Variants in EGFLAM observed in about 807,000 individuals in gnomAD.
EGFLAM encodes the protein EGF like, fibronectin type III and laminin G domains.
Under a neutral mutation model 113.1 loss-of-function variants are expected in EGFLAM, and 79 were observed. The ratio of observed to expected loss-of-function variants is 0.70; its 90% CI spans 0.58 to 0.84. EGFLAM has a LOEUF of 0.84. Ranked by LOEUF, EGFLAM falls within the 40% of genes least tolerant of loss-of-function variation. The pLI is 0.00. For missense variants in EGFLAM, 1,265 were observed against 1,291.6 expected (o/e 0.98, Z 0.32); for synonymous variants, 504 against 487.6 (o/e 1.03, Z -0.44).
intron 1 of EGFLAM, among the ~76,000 whole-genome samples, chr5:38,277,214 C>T (rs983429968): frequency 3.3e-5 from 5 of 152,032 alleles, no homozygotes; most frequent in Non-Finnish European, 4.4e-5. Context: ...AATCATTCAC[C>T]GTGATCATGT....
At chr5:38,449,645 AGTGTGTGTGTAT>A (rs967817246) in intron 18 of EGFLAM, among the ~76,000 whole-genome samples, 3 of 151,584 alleles carry the variant, frequency 2.0e-5, no homozygotes, top group Admixed American at 2.0e-4. Context: ...CAAGGGCCAT[AGTGTGTGTGTAT>A]GTGTGTGTGC....
At chr5:38,336,692 C>T (rs1739195880) in intron 1 of EGFLAM, among the ~76,000 whole-genome samples, 2 of 151,822 alleles carry the variant, frequency 1.3e-5, no homozygotes, top group Admixed American at 6.6e-5. Context: ...ACCAATATGA[C>T]GCTCAAGGGA....
intron 1 of EGFLAM, among the ~76,000 whole-genome samples, chr5:38,311,536 A>T (rs941936996): frequency 3.9e-5 from 6 of 152,176 alleles, no homozygotes; most frequent in African/African-American, 1.4e-4. Flanking sequence ...TTCTTTTTTA[A>T]AAGGCTAAAT....
intron 1 of EGFLAM, among the ~76,000 whole-genome samples, chr5:38,301,893 T>C (rs116022403): frequency 0.014 from 2,157 of 152,148 alleles, 43 homozygotes; most frequent in African/African-American, 0.048. Flanking sequence ...TGGCATCAAT[T>C]TCCAATATCT....
At chr5:38,298,653 A>T (rs1466797714) in intron 1 of EGFLAM, among the ~76,000 whole-genome samples, 1 of 152,140 alleles carries the variant, frequency 6.6e-6, no homozygotes, top group Non-Finnish European at 1.5e-5. Flanking sequence ...ATTAGCTAAG[A>T]TTGTGGAATG....
chr5:38,418,356 C>G, intron 12 of EGFLAM, 101 bp downstream of exon 12: 2 of 1,416,820 alleles, frequency 1.4e-6, no homozygotes, highest in Non-Finnish European at 1.9e-6. Context: ...ACATTAGGTG[C>G]TACCCTGGGA....
chr5:38,460,320 G>A (rs1016422558), intron 20 of EGFLAM, among the ~76,000 whole-genome samples: 4 of 152,202 alleles, frequency 2.6e-5, no homozygotes, highest in African/African-American at 7.2e-5. Context: ...ACTCTGGTGA[G>A]GATACCAGGC....
intron 6 of EGFLAM, among the ~76,000 whole-genome samples, chr5:38,396,565 C>A (rs1321572311): frequency 6.6e-6 from 1 of 152,236 alleles, no homozygotes; most frequent in African/African-American, 2.4e-5. Context: ...GTATTGGGTG[C>A]CTGCTGTGTA....
rs1280615588 is a variant in EGFLAM, at chr5:38,465,331, T to A, written c.*1345T>A. 6.6e-6 allele frequency among the ~76,000 whole-genome samples: 1 copy of A among 152,254 alleles called. No individual in the cohort carries two copies. Among genetic ancestry groups the A allele is most frequent in the Non-Finnish European group, 1.5e-5 (1 of 68,050 alleles). ...CCCAAGGAGGGGGTGAAATATGATC[T>A]AACTTATGCAAGAGCCTATAATTAG... On this transcript the variant is annotated 3_prime_UTR_variant, in exon 22 of 22. Coordinates refer to ENST00000322350, the MANE Select transcript of EGFLAM (RefSeq NM_152403.4).
In EGFLAM at chr5:38,431,157, A is replaced by G. The variant is rs772700973; in HGVS notation, c.2055-20A>G. 3.1e-6 allele frequency: 5 copies of G among 1,609,222 alleles called. No homozygotes were observed. Among genetic ancestry groups the G allele is most frequent in the South Asian group, 2.2e-5 (2 of 90,848 alleles). ...AATCAACTCGATACATAAAAATAAT[A>G]TCACATCTTCCTTCCACAGGAGTGA... On this transcript the variant is annotated intron_variant, in intron 14 of 21. Coordinates refer to ENST00000322350, the MANE Select transcript of EGFLAM (RefSeq NM_152403.4).
intron 17 of EGFLAM, among the ~76,000 whole-genome samples, chr5:38,441,932 C>A (rs1401491265): frequency 6.6e-6 from 1 of 152,130 alleles, no homozygotes; most frequent in African/African-American, 2.4e-5. Context: ...GCAGGTGGCC[C>A]CGCATAAGAC....
rs141779553 is a variant in EGFLAM at position 38,314,714 on chromosome 5, G to A, written c.98-22806G>A. ...AGACATGGTGTTTCTTCACACCTTG[G>A]CAGAATGCTATTGTTAATCCATAGT... On this transcript the variant is annotated intron_variant, in intron 1 of 21. Transcript: ENST00000322350. 2.0e-3 allele frequency among the ~76,000 whole-genome samples: 305 copies of A among 152,282 alleles called. 2 individuals carry two copies. Among genetic ancestry groups the A allele is most frequent in the African/African-American group, 7.1e-3 (296 of 41,556 alleles).
chr5:38,282,661 T>A (rs562615581), intron 1 of EGFLAM: 1 of 152,268 alleles, frequency 6.6e-6, no homozygotes, highest in African/African-American at 2.4e-5. Flanking sequence ...ATACCCATAA[T>A]TGCTAACTTT....
intron 1 of EGFLAM, among the ~76,000 whole-genome samples, chr5:38,327,115 C>T (rs866919921): frequency 5.9e-5 from 9 of 152,196 alleles, no homozygotes; most frequent in African/African-American, 9.6e-5. Context: ...GTATTTTACG[C>T]GGGTATATTA....
chr5:38,281,500 G>A (rs995641501), intron 1 of EGFLAM, among the ~76,000 whole-genome samples: 2 of 152,146 alleles, frequency 1.3e-5, no homozygotes, highest in Non-Finnish European at 2.9e-5. Context: ...GACATTCTGT[G>A]TTTCTGTTTG....
intron 20 of EGFLAM, among the ~76,000 whole-genome samples, 164 bp downstream of exon 20, chr5:38,458,558 C>A (rs528273855): frequency 6.6e-6 from 1 of 152,298 alleles, no homozygotes; most frequent in African/African-American, 2.4e-5. Context: ...TCCCGCTGTG[C>A]CCTACATTGA....
In EGFLAM at chr5:38,464,726, G is replaced by C. The variant is rs1263627358; in HGVS notation, c.*740G>C. The C allele has an allele frequency of 6.6e-6, 1 of 152,164 alleles. No homozygotes were observed. The highest frequency in any genetic ancestry group is 1.5e-5 in the Non-Finnish European group (1 of 68,040). The allele number at this position is 152,164 out of a possible 1,614,324, so 9.4% of individuals were successfully genotyped here. The stretch of plus-strand genomic sequence containing the variant: ...CCACACAGTATACTTTTGGAAGTTT[G>C]GGTGGATGACTCTGAATTCTTGCAC... On this transcript the variant is annotated 3_prime_UTR_variant, in exon 22 of 22. Coordinates refer to ENST00000322350, the MANE Select transcript of EGFLAM (RefSeq NM_152403.4).
chr5:38,309,490 G>T (rs1758808573), intron 1 of EGFLAM, among the ~76,000 whole-genome samples: 1 of 152,192 alleles, frequency 6.6e-6, no homozygotes. Flanking sequence ...GTGAAAGGCA[G>T]TGAGATTTTG....
intron 1 of EGFLAM, among the ~76,000 whole-genome samples, chr5:38,296,196 C>T (rs1374999029): frequency 6.6e-6 from 1 of 152,138 alleles, no homozygotes; most frequent in Non-Finnish European, 1.5e-5. Flanking sequence ...AGAGTTGTCT[C>T]CATCTTTGTG....
Sources: allele counts gnomAD v4.1 joint callset (sites outside exome capture counted in the v4.1 genomes callset), GRCh38; gene constraint gnomAD v4.1.1; transcripts MANE v1.5; gene names NCBI Gene and HGNC (gene_info 2026-07-23, HGNC 2026-07-21).